Variants in ARHGAP42 observed in about 807,000 individuals in gnomAD.
ARHGAP42 encodes rho GTPase-activating protein 42.
ARHGAP42 carries 63 observed loss-of-function variants against 125.0 expected under a neutral mutation model. That is an observed-to-expected ratio of 0.50 (90% confidence interval 0.41 to 0.62). The LOEUF (loss-of-function observed/expected upper bound fraction) is 0.62. Ranked by LOEUF, ARHGAP42 falls within the 20% of genes least tolerant of loss-of-function variation. ARHGAP42 has a pLI of 0.00. For missense variants in ARHGAP42, 766 were observed against 1,024.2 expected, an observed-to-expected ratio of 0.75 and a Z score of 3.44; for synonymous variants, 339 against 351.0, an observed-to-expected ratio of 0.97 and a Z score of 0.38.
rs541642157 is a variant in ARHGAP42, at chr11:100,750,098, A to C, written c.155-20245A>C. Among the ~76,000 whole-genome samples the C allele has an allele frequency of 1.9e-3, 282 of 152,278 alleles. 3 individuals carry two copies. Among genetic ancestry groups the C allele is most frequent in the Non-Finnish European group, 2.9e-3 (199 of 68,032 alleles). On this transcript the variant is annotated intron_variant, in intron 1 of 23. Transcript: ENST00000298815. ...GAGAGAAAACCAGAGACTGCCCCCC[A>C]GAGGGGAATGTAATCCTGGATGAGC...
At chr11:100,719,391 A>G (rs535813157) in intron 1 of ARHGAP42, among the ~76,000 whole-genome samples, 1 of 152,362 alleles carries the variant, frequency 6.6e-6, no homozygotes, top group South Asian at 2.1e-4. Flanking sequence ...ATTTAACATC[A>G]GTCTCCATGG....
intron 1 of ARHGAP42, among the ~76,000 whole-genome samples, chr11:100,729,667 A>G (rs1180680278): frequency 3.3e-5 from 5 of 152,186 alleles, no homozygotes; most frequent in African/African-American, 4.8e-5. Flanking sequence ...AATTTTTAAA[A>G]CATTTCTAAA....
chr11:100,923,533 C>T (rs942412256), intron 6 of ARHGAP42, among the ~76,000 whole-genome samples: 10 of 151,188 alleles, frequency 6.6e-5, no homozygotes, highest in Non-Finnish European at 1.5e-4. Flanking sequence ...AAGATGACAT[C>T]AGATGTATAC....
intron 3 of ARHGAP42, among the ~76,000 whole-genome samples, chr11:100,822,204 A>G (rs2135078283): frequency 6.6e-6 from 1 of 152,282 alleles, no homozygotes; most frequent in Admixed American, 6.5e-5. Flanking sequence ...TAAAATTTGG[A>G]ATTTTCTCAA....
At chr11:100,849,692 A>G (rs1252159532) in intron 3 of ARHGAP42, among the ~76,000 whole-genome samples, 2 of 152,052 alleles carry the variant, frequency 1.3e-5, no homozygotes, top group Non-Finnish European at 2.9e-5. Flanking sequence ...ATTCTCAGAG[A>G]TCCTTAAAAT....
chr11:100,805,777 CTGT>C (rs1321485008), intron 3 of ARHGAP42, among the ~76,000 whole-genome samples: 2 of 152,116 alleles, frequency 1.3e-5, no homozygotes, highest in African/African-American at 2.4e-5. Context: ...CATTTATAAA[CTGT>C]CATGGTGCTG....
At chr11:100,760,408 G>A (rs12226782) in intron 1 of ARHGAP42, among the ~76,000 whole-genome samples, 9,328 of 152,134 alleles carry the variant, frequency 0.061, 376 homozygotes, top group East Asian at 0.19. Context: ...CCTTTAAAAT[G>A]AAATTAAAGG....
intron 3 of ARHGAP42, among the ~76,000 whole-genome samples, chr11:100,807,078 C>G (rs1864014414): frequency 6.6e-6 from 1 of 152,060 alleles, no homozygotes; most frequent in African/African-American, 2.4e-5. Flanking sequence ...GAACTCCTGA[C>G]CTCAGGTGAT....
At chr11:100,848,864 G>T (rs1865134442) in intron 3 of ARHGAP42, among the ~76,000 whole-genome samples, 1 of 152,124 alleles carries the variant, frequency 6.6e-6, no homozygotes, top group Non-Finnish European at 1.5e-5. Flanking sequence ...AATTATATAG[G>T]ATGATTCAGG....
intron 23 of ARHGAP42, among the ~76,000 whole-genome samples, chr11:100,988,427 G>C (rs1029080097): frequency 1.3e-5 from 2 of 152,024 alleles, no homozygotes; most frequent in African/African-American, 4.8e-5. Flanking sequence ...AAAATATATA[G>C]TATAACAACT....
rs112641779 is a variant in ARHGAP42 at position 100,737,889 on chromosome 11, A to G, written c.155-32454A>G. Among the ~76,000 whole-genome samples the G allele has an allele frequency of 5.7e-3, 875 of 152,282 alleles. 6 individuals are homozygous for G. The highest frequency in any genetic ancestry group is 0.02 in the Middle Eastern group (6 of 294). On this transcript the variant is annotated intron_variant, in intron 1 of 23. Transcript: ENST00000298815. ...GTTGCTTGCCTATTGCTCATGATCA[A>G]TCCCCTCTCATTCCTCTTCCTCAGA... is the stretch of plus-strand genomic sequence containing the variant.
intron 4 of ARHGAP42, among the ~76,000 whole-genome samples, chr11:100,881,995 G>T (rs1227508099): frequency 2.0e-5 from 3 of 152,118 alleles, no homozygotes; most frequent in Non-Finnish European, 2.9e-5. Flanking sequence ...GAGCTTTTTG[G>T]AGGAGTCTGA....
In ARHGAP42 at chr11:100,910,026, T is replaced by A. The variant is rs531924312; in HGVS notation, c.385-3426T>A. 3.1e-4 allele frequency among the ~76,000 whole-genome samples: 47 copies of A among 152,338 alleles called. 1 individual carries two copies. In the South Asian group the frequency reaches 5.6e-3, roughly 18 times the overall value. ...AATGGACATGTGGCATGACCATGGT[T>A]ATTGTTGGTAAGTAATAACGTGAGC... On this transcript the variant is annotated intron_variant, in intron 4 of 23. Coordinates refer to ENST00000298815, the MANE Select transcript of ARHGAP42 (RefSeq NM_152432.4).
At chr11:100,736,327 G>A (rs1862067030) in intron 1 of ARHGAP42, among the ~76,000 whole-genome samples, 1 of 152,270 alleles carries the variant, frequency 6.6e-6, no homozygotes. Context: ...TGCATGCCGG[G>A]GGCTTCCCGA....
chr11:100,988,983 C>T lies in ARHGAP42; in HGVS notation c.*182C>T. 1 of 490,562 alleles carries T rather than the reference C, an allele frequency of 2.0e-6. No homozygotes were observed. Among genetic ancestry groups the T allele is most frequent in the Non-Finnish European group, 3.6e-6 (1 of 276,518 alleles). The allele number at this position is 490,562 out of a possible 1,614,324, so 30.4% of individuals were successfully genotyped here. Reference sequence around the variant, plus strand: ...TGGAAAAAAAGATTTAAATTGTTGGCCATTCTTTTTTGGTTGGTTTCTTAT... The same window carrying T: ...TGGAAAAAAAGATTTAAATTGTTGGTCATTCTTTTTTGGTTGGTTTCTTAT... On this transcript the variant is annotated 3_prime_UTR_variant, in exon 24 of 24. Coordinates refer to ENST00000298815, the MANE Select transcript of ARHGAP42 (RefSeq NM_152432.4).
At chr11:100,717,938 A>AC (rs1861694916) in intron 1 of ARHGAP42, among the ~76,000 whole-genome samples, 1 of 152,030 alleles carries the variant, frequency 6.6e-6, no homozygotes, top group African/African-American at 2.4e-5. Flanking sequence ...AAAAAAAAAA[A>AC]AGACACCGTA....
intron 8 of ARHGAP42, among the ~76,000 whole-genome samples, chr11:100,938,157 A>G (rs535233529): frequency 1.3e-5 from 2 of 151,706 alleles, no homozygotes; most frequent in South Asian, 2.1e-4. Context: ...TAGCCTTGGG[A>G]CAAACCTGTC....
chr11:100,860,776 G>A (rs942570130), intron 4 of ARHGAP42, among the ~76,000 whole-genome samples: 1 of 152,080 alleles, frequency 6.6e-6, no homozygotes, highest in African/African-American at 2.4e-5. Context: ...TTCCCCATAA[G>A]AAGTTAACAC....
chr11:100,701,188 C>T (rs961585607), intron 1 of ARHGAP42, among the ~76,000 whole-genome samples: 10 of 149,852 alleles, frequency 6.7e-5, no homozygotes, highest in Non-Finnish European at 1.5e-4. Flanking sequence ...AACCACACAG[C>T]GGATTAAAAT....
Sources: gnomAD v4.1 joint callset for allele counts (sites outside exome capture counted in the v4.1 genomes callset) on GRCh38, gnomAD v4.1.1 for gene constraint, MANE v1.5 for transcripts, NCBI Gene and HGNC (gene_info 2026-07-23, HGNC 2026-07-21) for gene names.